The following DOCK6 variants were observed in gnomAD, a reference collection of about 807,000 sequenced individuals.
DOCK6 encodes dedicator of cytokinesis 6.
DOCK6 carries 167 observed loss-of-function variants against 230.3 expected under a neutral mutation model. That is an observed-to-expected ratio of 0.73 (90% CI 0.64 to 0.82). DOCK6 has a LOEUF of 0.82. Ranked by LOEUF, DOCK6 falls within the 40% of genes least tolerant of loss-of-function variation. The probability of loss-of-function intolerance (pLI) is 0.00; values close to 1 mark genes in which losing one functional copy is unlikely to be tolerated. For missense variants in DOCK6, 2,598 were observed against 2,825.8 expected (o/e 0.92, Z 1.83); for synonymous variants, 1,148 against 1,185.0 (o/e 0.97, Z 0.64).
At chr19:11,229,225 TG>T in intron 22 of DOCK6, 190 bp from the exon 23 acceptor site, 1 of 1,303,428 alleles carries the variant, frequency 7.7e-7, no homozygotes, top group Non-Finnish European at 1.0e-6. Context: ...GGACTCTGGA[TG>T]GGGGAGGAGC....
At chr19:11,231,295 C>A (rs190544508) in intron 22 of DOCK6, among the ~76,000 whole-genome samples, 2 of 150,530 alleles carry the variant, frequency 1.3e-5, no homozygotes, top group Middle Eastern at 3.4e-3. Context: ...CCCACACCCA[C>A]CCACCCTTCC....
At chr19:11,234,543 A>G (rs996159129) in intron 21 of DOCK6, among the ~76,000 whole-genome samples, 1 of 151,512 alleles carries the variant, frequency 6.6e-6, no homozygotes, top group Non-Finnish European at 1.5e-5. Flanking sequence ...TTGAGGGTTC[A>G]CTATGTGCTA....
intron 1 of DOCK6, 160 bp from the exon 2 acceptor site, chr19:11,253,886 G>T: frequency 1.8e-6 from 1 of 552,518 alleles, no homozygotes. Context: ...CAGCTCCCCA[G>T]TTCCCCCAAC....
At chr19:11,221,143 C>T (rs1376588252) in intron 28 of DOCK6, 1 of 152,260 alleles carries the variant, frequency 6.6e-6, no homozygotes, top group Non-Finnish European at 1.5e-5. Flanking sequence ...AAATTAAGAA[C>T]TCAACGGATG....
At chr19:11,241,539 G>A (rs759926768) in intron 14 of DOCK6, 31 of 1,553,066 alleles carry the variant, frequency 2.0e-5, no homozygotes, top group East Asian at 7.3e-5. Context: ...CATCGGCTGC[G>A]ACAGATCCAG....
intron 32 of DOCK6, 25 bp from the exon 33 acceptor site, chr19:11,214,674 G>A (rs562667921): frequency 3.7e-6 from 6 of 1,606,010 alleles, no homozygotes; most frequent in Admixed American, 3.4e-5. Flanking sequence ...GAGGTCTTGG[G>A]GGCCCACTCG....
intron 14 of DOCK6, among the ~76,000 whole-genome samples, chr19:11,241,200 C>T (rs1018971862): frequency 2.7e-5 from 4 of 149,914 alleles, no homozygotes; most frequent in African/African-American, 9.9e-5. Context: ...GAGCTGAGAT[C>T]GTGTCATTGC....
chr19:11,246,443 G>A (rs1413165530), intron 7 of DOCK6, among the ~76,000 whole-genome samples: 1 of 151,592 alleles, frequency 6.6e-6, no homozygotes, highest in African/African-American at 2.4e-5. Flanking sequence ...TTTAGACAGA[G>A]TCTCCCCTGT....
chr19:11,232,283 C>A, intron 22 of DOCK6: 2 of 1,289,522 alleles, frequency 1.6e-6, no homozygotes, highest in South Asian at 1.2e-5. Context: ...TGTGAGCGAT[C>A]GATGCCCTGG....
Position 11,237,636 on chromosome 19 carries a change from C to G in DOCK6, c.1971+5G>C, listed in dbSNP as rs1599258845. On this transcript the variant is annotated splice_donor_5th_base_variant and intron_variant, in intron 17 of 47. Coordinates refer to ENST00000294618, the MANE Select transcript of DOCK6 (RefSeq NM_020812.4). ...TCAGGGGGAGGGAGGGAGGGGACGG[C>G]TCACAGTAAAGCCCACGGGTGTCTC... is the stretch of plus-strand genomic sequence containing the variant. 1 of 1,593,784 alleles carries G rather than the reference C, an allele frequency of 6.3e-7. No individual in the cohort carries two copies. The highest frequency in any genetic ancestry group is 2.3e-5 in the East Asian group (1 of 43,988).
chr19:11,255,107 G>A (rs980854949), intron 1 of DOCK6, among the ~76,000 whole-genome samples: 1 of 151,752 alleles, frequency 6.6e-6, no homozygotes, highest in Non-Finnish European at 1.5e-5. Context: ...GGGTTCAAGC[G>A]ATTCTCCTGC....
rs746988456 is a variant in DOCK6 at position 11,239,489 on chromosome 19, C to T, written c.1644-1185G>A. The T allele has an allele frequency of 2.5e-5, 25 of 996,420 alleles. No individual in the cohort carries two copies. The South Asian group carries it at 2.6e-4, about 10-fold the overall frequency. 61.7% of individuals were successfully genotyped at this position (996,420 alleles called of 1,614,324 possible). ...TCCCGGCGTGGCCTAGCCGGACATT[C>T]GCCTGATGCAACTATCGCACCACTG... is the stretch of plus-strand genomic sequence containing the variant. On this transcript the variant is annotated intron_variant, in intron 14 of 47. Coordinates refer to ENST00000294618, the MANE Select transcript of DOCK6 (RefSeq NM_020812.4).
chr19:11,238,195 C>G lies in DOCK6; in HGVS notation c.1753G>C (p.Ala585Pro). The G allele has an allele frequency of 3.1e-6, 5 of 1,613,598 alleles. No homozygotes were observed. The highest frequency in any genetic ancestry group is 4.2e-6 in the Non-Finnish European group (5 of 1,179,634). Reference sequence around the variant, plus strand: ...GGGGCACAGCCACTGACCGGCAGAGCCTGGCTGGGGTCCTCGCCTGTCATG... The same window carrying G: ...GGGGCACAGCCACTGACCGGCAGAGGCTGGCTGGGGTCCTCGCCTGTCATG... ...QYMTGEDPSQ[A>P]LPVIFGKSSC... The change falls in exon 15 of 48, where the codon GCT (alanine) becomes CCT (proline). Residue 585 changes from alanine (A) to proline (P), a missense_variant. Physicochemically the swap from Ala to Pro is conservative, Grantham distance 27. Transcript: ENST00000294618.
intron 9 of DOCK6, 90 bp downstream of exon 9, chr19:11,245,473 T>C (rs1781189349): frequency 3.0e-6 from 4 of 1,340,320 alleles, no homozygotes; most frequent in Non-Finnish European, 4.2e-6. Context: ...ATTACCCTTC[T>C]TGGTGATGTA....
chr19:11,211,856 G>A lies in DOCK6; in HGVS notation c.4671C>T (p.Asn1557=). Residue 1557 remains asparagine (N), a synonymous_variant, in exon 37 of 48, where the codon AAC becomes AAT. Transcript: ENST00000294618. ...FAEQVQDLMF[N]LHMILTDTVK... ...CCGTGTCCGTCAGGATCATGTGCAG[G>A]TTGAACATCAGGTCCTGGACCTGGA... is the stretch of plus-strand genomic sequence containing the variant. 1 of 1,552,364 alleles carries A rather than the reference G, an allele frequency of 6.4e-7. No homozygotes were observed. Among genetic ancestry groups the A allele is most frequent in the Non-Finnish European group, 8.7e-7 (1 of 1,147,302 alleles).
chr19:11,237,544 A>G lies in DOCK6; in HGVS notation c.1985T>C (p.Leu662Pro), dbSNP rs2079868717. Residue 662 changes from leucine to proline, a missense_variant, in exon 18 of 48, where the codon CTG becomes CCG. Coordinates refer to ENST00000294618, the MANE Select transcript of DOCK6 (RefSeq NM_020812.4). ...TPVGFTWIPL[L>P]QHGRLRTGPF... ...GCCGGTCCTCAGGCGCCCGTGCTGC[A>G]GCAGTGGGATCCACTGGGGAGAGGC... 1 of 1,600,376 alleles carries G rather than the reference A, an allele frequency of 6.2e-7. No homozygotes were observed. The highest frequency in any genetic ancestry group is 1.1e-5 in the South Asian group (1 of 90,660).
intron 14 of DOCK6, among the ~76,000 whole-genome samples, chr19:11,240,987 G>A (rs2079934625): frequency 1.3e-5 from 2 of 150,828 alleles, no homozygotes; most frequent in African/African-American, 4.9e-5. Context: ...GCTCATGCCT[G>A]TAATCCCAGC....
chr19:11,202,435 CTT>C lies in DOCK6; in HGVS notation c.5408_5409del (p.Lys1803ArgfsTer3). The C allele has an allele frequency of 6.2e-7, 1 of 1,613,766 alleles. No individual in the cohort carries two copies. The highest frequency in any genetic ancestry group is 8.5e-7 in the Non-Finnish European group (1 of 1,179,808). On this transcript the variant is annotated frameshift_variant, in exon 43 of 48. Coordinates refer to ENST00000294618, the MANE Select transcript of DOCK6 (RefSeq NM_020812.4). LOFTEE classifies it high-confidence loss of function. This position sits in a 1 kb window ranked among gnomAD's most constrained non-coding sequence, Gnocchi z 5.3. The part of the protein sequence containing the change: ...RFGDDVVEII[K>X]DSNPVDKSKL... ...TTGGACTTGTCCACAGGGTTAGAGT[CTT>C]TGATAATCTCAACGACGTCGTCGCC...
rs746320003 is a variant in DOCK6, at chr19:11,236,364, TC to T, written c.2373del (p.Ile792SerfsTer7). The T allele has an allele frequency of 1.9e-6, 3 of 1,564,620 alleles. No individual in the cohort carries two copies. The South Asian group carries it at 3.5e-5, about 18-fold the overall frequency. On this transcript the variant is annotated frameshift_variant, in exon 20 of 48. Transcript: ENST00000294618. LOFTEE classifies it high-confidence loss of function. This position sits in a 1 kb window ranked among gnomAD's most constrained non-coding sequence, Gnocchi z 5.2. ...DKLVRLVIRPPIISGQIVNLG... is the reference protein window; with the variant it reads ...DKLVRLVIRPXIISGQIVNLG... Reference sequence around the variant, plus strand: ...CGCTTACCAATCTGGCCACTGATGATCGGGGGCCTGATGACCAGACGCACGA... The same window carrying T: ...CGCTTACCAATCTGGCCACTGATGATGGGGGCCTGATGACCAGACGCACGA...
Sources: allele counts gnomAD v4.1 joint callset (sites outside exome capture counted in the v4.1 genomes callset), GRCh38; gene constraint gnomAD v4.1.1; non-coding constraint Gnocchi (gnomAD v3.1); transcripts MANE v1.5; gene names NCBI Gene and HGNC (gene_info 2026-07-23, HGNC 2026-07-21).